The following PLXNA1 variants were observed in gnomAD, a reference collection of about 807,000 sequenced individuals.
PLXNA1 encodes plexin-A1.
Under a neutral mutation model 191.7 loss-of-function variants are expected in PLXNA1, and 77 were observed. The ratio of observed to expected loss-of-function variants is 0.40; its 90% CI spans 0.33 to 0.49. PLXNA1 has a LOEUF of 0.49. PLXNA1 is among the 20% of genes least tolerant of loss of function. PLXNA1 has a pLI of 0.63. For synonymous variants in PLXNA1, 1,137 were observed against 1,156.4 expected (o/e 0.98, Z 0.34); for missense variants, 2,110 against 2,660.2 (o/e 0.79, Z 4.55).
Position 126,988,659 on chromosome 3 carries a change from G to A in PLXNA1, c.66G>A (p.Pro22=), listed in dbSNP as rs375921132. ...LLLLLLLLLL[P]GMWAEAGLPR... ...TGCTGCTGTTGCTGCTGCTGCTGCC[G>A]GGCATGTGGGCTGAGGCAGGCTTGC... The change falls in exon 2 of 32, where the codon CCG becomes CCA. Residue 22 remains proline, a synonymous_variant. Coordinates refer to ENST00000393409, the MANE Select transcript of PLXNA1 (RefSeq NM_032242.4). The A allele has an allele frequency of 4.9e-4, 776 of 1,578,662 alleles. 2 individuals carry two copies. Among genetic ancestry groups the A allele is most frequent in the Non-Finnish European group, 4.6e-4 (535 of 1,161,978 alleles).
chr3:127,025,958 AT>A (rs2079174715), intron 23 of PLXNA1, among the ~76,000 whole-genome samples: 1 of 152,314 alleles, frequency 6.6e-6, no homozygotes. Context: ...AACCCATGCC[AT>A]TTTAGCACAT....
At chr3:127,006,544 C>T (rs1165763550) in intron 8 of PLXNA1, among the ~76,000 whole-genome samples, 3 of 152,152 alleles carry the variant, frequency 2.0e-5, no homozygotes, top group Non-Finnish European at 2.9e-5. Context: ...ATGTTGCCAC[C>T]GTGATATGGA....
intron 15 of PLXNA1, 90 bp from the exon 16 acceptor site, chr3:127,016,427 C>T (rs947598345): frequency 7.0e-6 from 8 of 1,145,344 alleles, no homozygotes; most frequent in Non-Finnish European, 1.0e-5. Flanking sequence ...TGACAGATGG[C>T]GCTGTTCCCA....
intron 9 of PLXNA1, among the ~76,000 whole-genome samples, chr3:127,008,938 A>G (rs1289690293): frequency 3.9e-5 from 6 of 152,140 alleles, no homozygotes; most frequent in South Asian, 2.1e-4. Context: ...GTGACTGCCT[A>G]TAACAGTGGG....
intron 23 of PLXNA1, chr3:127,026,570 T>A (rs1463575601): frequency 6.6e-6 from 1 of 152,240 alleles, no homozygotes; most frequent in African/African-American, 2.4e-5. Flanking sequence ...CTTTTCCTCC[T>A]CCTTCGTGGC....
intron 3 of PLXNA1, among the ~76,000 whole-genome samples, chr3:126,993,309 C>T (rs1327193389): frequency 6.6e-6 from 1 of 152,196 alleles, no homozygotes; most frequent in Non-Finnish European, 1.5e-5. Flanking sequence ...TCTTCCTGCC[C>T]CCATTCCTTC....
At chr3:127,030,623 C>T (rs1378236593) in intron 29 of PLXNA1, among the ~76,000 whole-genome samples, 7 of 152,234 alleles carry the variant, frequency 4.6e-5, no homozygotes, top group Non-Finnish European at 1.0e-4. Flanking sequence ...CTGCTCCAGC[C>T]GCTGAGCCCC....
intron 9 of PLXNA1, among the ~76,000 whole-genome samples, chr3:127,008,976 C>T (rs931628436): frequency 2.0e-5 from 3 of 152,086 alleles, no homozygotes; most frequent in East Asian, 1.9e-4. Context: ...CACAGTGGGG[C>T]GCTTCTCTGG....
intron 21 of PLXNA1, among the ~76,000 whole-genome samples, chr3:127,021,317 CTG>C (rs1333779504): frequency 6.6e-6 from 1 of 152,212 alleles, no homozygotes; most frequent in African/African-American, 2.4e-5. Flanking sequence ...TCAGCTGTGA[CTG>C]TGTATGTTCT....
chr3:127,012,480 T>C (rs2079100973), intron 10 of PLXNA1, among the ~76,000 whole-genome samples: 1 of 152,192 alleles, frequency 6.6e-6, no homozygotes. Flanking sequence ...GCAGCATCCG[T>C]GGGTCCCAGG....
At position 127,006,127 on chromosome 3, in the gene PLXNA1, A is replaced by T; in HGVS notation, c.1946A>T (p.Lys649Met). 6.2e-7 allele frequency: 1 copy of T among 1,613,866 alleles called. No individual in the cohort carries two copies. The highest frequency in any genetic ancestry group is 1.7e-5 in the Admixed American group (1 of 60,022). Residue 649 changes from lysine (K) to methionine (M), a missense_variant, in exon 8 of 32, where the codon AAG becomes ATG. This residue lies in a region of PLXNA1 where 903 missense variants were observed against 1,015.7 expected (regional missense o/e 0.89). Transcript: ENST00000393409. ...TACCTAAAGTCCAAGGAGACAGGGA[A>T]GAAGTTTGCGTCTGTGGACTTCGTC... Reference protein sequence around the residue: ...KLYLKSKETGKKFASVDFVFY... With the variant: ...KLYLKSKETGMKFASVDFVFY...
At position 126,991,562 on chromosome 3, in the gene PLXNA1, G is replaced by A. The variant is rs767186496; in HGVS notation, c.1373G>A (p.Arg458His). 44 of 1,568,602 alleles carry A rather than the reference G, an allele frequency of 2.8e-5. No homozygotes were observed. The African/African-American group carries it at 3.9e-4, about 14-fold the overall frequency. Residue 458 changes from arginine (R) to histidine (H), a missense_variant, in exon 3 of 32, where the codon CGC becomes CAC. Coordinates refer to ENST00000393409, the MANE Select transcript of PLXNA1 (RefSeq NM_032242.4). ...VFAGTRSGRIRKILVDLSNPG... is the reference protein window; with the variant it reads ...VFAGTRSGRIHKILVDLSNPG... ...GCCGGCACGCGAAGTGGCCGCATCC[G>A]CAAGGTCAGGCCTGGGTGGGGTGGG...
intron 23 of PLXNA1, among the ~76,000 whole-genome samples, chr3:127,024,880 G>T (rs1054007120): frequency 3.9e-5 from 6 of 152,126 alleles, no homozygotes; most frequent in Admixed American, 2.6e-4. Context: ...CATATCTGGG[G>T]TTTTTTTGTT....
intron 22 of PLXNA1, 39 bp downstream of exon 22, chr3:127,022,380 C>A: frequency 6.3e-7 from 1 of 1,594,000 alleles, no homozygotes. Context: ...GAGGCAGGCC[C>A]ATGCCTCCAG....
chr3:127,018,954 A>C (rs529156018), intron 20 of PLXNA1, among the ~76,000 whole-genome samples: 8 of 152,144 alleles, frequency 5.3e-5, no homozygotes, highest in Non-Finnish European at 1.2e-4. Flanking sequence ...ACCATGCAGC[A>C]ATGGGGAGCC....
Position 127,015,215 on chromosome 3 carries a change from G to C in PLXNA1, c.2909G>C (p.Arg970Pro). 1 of 1,613,390 alleles carries C rather than the reference G, an allele frequency of 6.2e-7. No individual in the cohort carries two copies. The highest frequency in any genetic ancestry group is 8.5e-7 in the Non-Finnish European group (1 of 1,179,822). ...ACCTTCTACCGTGTGAGCCCCTCCC[G>C]TGGGCCTCTGTCAGGGGGCACCTGG... The part of the protein sequence containing the change: ...TPTFYRVSPS[R>P]GPLSGGTWIG... Residue 970 changes from arginine (R) to proline (P), a missense_variant, in exon 15 of 32, where the codon CGT becomes CCT. By Grantham distance (103) the Arg-to-Pro change is moderately radical. This residue lies in a region of PLXNA1 where 644 missense variants were observed against 714.3 expected (regional missense o/e 0.90). Transcript: ENST00000393409.
chr3:127,011,153 G>A (rs2079093685), intron 9 of PLXNA1, among the ~76,000 whole-genome samples: 1 of 152,220 alleles, frequency 6.6e-6, no homozygotes, highest in Non-Finnish European at 1.5e-5. Context: ...GCTGTTCTGG[G>A]AACACAGAGT....
intron 31 of PLXNA1, 83 bp downstream of exon 31, chr3:127,032,919 A>T: frequency 7.0e-7 from 1 of 1,425,740 alleles, no homozygotes; most frequent in South Asian, 1.3e-5. Context: ...CCGCCCTGCC[A>T]CTCCTCCCTG....
In PLXNA1 at chr3:126,989,076, C is replaced by T. The variant is rs1476894897; in HGVS notation, c.483C>T (p.Ser161=). 9 of 1,613,308 alleles carry T rather than the reference C, an allele frequency of 5.6e-6. No individual in the cohort carries two copies. Among genetic ancestry groups the T allele is most frequent in the Non-Finnish European group, 7.6e-6 (9 of 1,180,036 alleles). The part of the protein sequence containing the change: ...EPHHRKEHYL[S]SVQEAGSMAG... Reference sequence around the variant, plus strand: ...ACCACCGTAAGGAGCACTACCTGTCCAGCGTGCAGGAGGCAGGCAGCATGG... The same window carrying T: ...ACCACCGTAAGGAGCACTACCTGTCTAGCGTGCAGGAGGCAGGCAGCATGG... Residue 161 remains serine (S), a synonymous_variant, in exon 2 of 32, where the codon TCC becomes TCT. Transcript: ENST00000393409.
Sources: gnomAD v4.1 joint callset for allele counts (sites outside exome capture counted in the v4.1 genomes callset) on GRCh38, gnomAD v4.1.1 for gene constraint, gnomAD v4.1.1 regional missense constraint, MANE v1.5 for transcripts, NCBI Gene and HGNC (gene_info 2026-07-23, HGNC 2026-07-21) for gene names.